The following SLC35D2 variants were observed in gnomAD, a reference collection of about 807,000 sequenced individuals.
The protein encoded by SLC35D2 is nucleotide sugar transporter SLC35D2.
SLC35D2 carries 43 observed loss-of-function variants against 41.8 expected under a neutral mutation model. The observed-to-expected ratio is 1.03, with a 90% CI of 0.81 to 1.33. SLC35D2 has a LOEUF of 1.33. Among genes scored for constraint, SLC35D2 ranks in the 40% most tolerant of loss-of-function variants. The pLI, the probability that SLC35D2 is intolerant of heterozygous loss-of-function variation, is 0.00. For missense variants in SLC35D2, 380 were observed against 408.4 expected (o/e 0.93, Z 0.60); for synonymous variants, 150 against 163.9 (o/e 0.92, Z 0.65).
chr9:96,364,588 C>CTT, intron 2 of SLC35D2, 38 bp from the exon 3 acceptor site: 1 of 1,189,270 alleles, frequency 8.4e-7, no homozygotes, highest in Non-Finnish European at 1.3e-6. Flanking sequence ...AGCAAAATAT[C>CTT]TGCAAAGATT....
rs73538939 is a variant in SLC35D2 at position 96,363,193 on chromosome 9, G to A, written c.279+1271C>T. Among the ~76,000 whole-genome samples the A allele has an allele frequency of 2.4e-3, 358 of 147,854 alleles. 1 individual carries two copies. Among genetic ancestry groups the A allele is most frequent in the African/African-American group, 8.3e-3 (329 of 39,652 alleles). On this transcript the variant is annotated intron_variant, in intron 3 of 11. Coordinates refer to ENST00000253270, the MANE Select transcript of SLC35D2 (RefSeq NM_007001.3). Reference sequence around the variant, plus strand: ...ATTTTTTTTTTTTTTTTGAGACAACGTCTTACTACGTTCTCCACACTGACC... The same window carrying A: ...ATTTTTTTTTTTTTTTTGAGACAACATCTTACTACGTTCTCCACACTGACC...
chr9:96,354,430 T>C lies in SLC35D2; in HGVS notation c.348-2321A>G, dbSNP rs150254359. ...AAACAGGCAGGAAACAAAACGAATATACAAAAGTCAACTCTGAATATACAC... is the reference window on the plus strand; with the variant it reads ...AAACAGGCAGGAAACAAAACGAATACACAAAAGTCAACTCTGAATATACAC... On this transcript the variant is annotated intron_variant, in intron 4 of 11. Transcript: ENST00000253270. Among the ~76,000 whole-genome samples, 46 of 152,196 alleles carry C rather than the reference T, an allele frequency of 3.0e-4. 1 individual carries two copies. In the East Asian group the frequency reaches 7.7e-3, roughly 26 times the overall value.
At chr9:96,321,795 A>C (rs538686446) in intron 11 of SLC35D2, among the ~76,000 whole-genome samples, 42 of 152,334 alleles carry the variant, frequency 2.8e-4, no homozygotes, top group African/African-American at 1.0e-3. Context: ...CCAGCCCCGC[A>C]AACTGCCATC....
At chr9:96,356,071 G>C (rs1339009760) in intron 4 of SLC35D2, among the ~76,000 whole-genome samples, 1 of 152,166 alleles carries the variant, frequency 6.6e-6, no homozygotes, top group Non-Finnish European at 1.5e-5. Context: ...ACTGGGGCAG[G>C]GGGAGTGAGT....
At chr9:96,330,451 T>C (rs1319354093) in intron 9 of SLC35D2, among the ~76,000 whole-genome samples, 2 of 152,316 alleles carry the variant, frequency 1.3e-5, no homozygotes. Context: ...CCTTAAACCA[T>C]ACTTAAGTTT....
intron 1 of SLC35D2, among the ~76,000 whole-genome samples, chr9:96,374,912 A>G (rs1830875674): frequency 1.3e-5 from 2 of 151,880 alleles, no homozygotes; most frequent in Admixed American, 1.3e-4. Context: ...TCCATCCAAA[A>G]AGATGTCTGA....
chr9:96,325,809 G>A (rs1344421328), intron 9 of SLC35D2, among the ~76,000 whole-genome samples: 1 of 152,180 alleles, frequency 6.6e-6, no homozygotes, highest in Non-Finnish European at 1.5e-5. Context: ...TTTAATTCTA[G>A]AATCCTGCTA....
intron 1 of SLC35D2, among the ~76,000 whole-genome samples, chr9:96,382,725 T>C (rs939607712): frequency 2.0e-5 from 3 of 152,170 alleles, no homozygotes; most frequent in Non-Finnish European, 4.4e-5. Flanking sequence ...GGCATATTCT[T>C]GTAACATAGT....
downstream of SLC35D2, among the ~76,000 whole-genome samples, chr9:96,316,741 C>CA (rs1278399685): frequency 2.7e-5 from 4 of 150,740 alleles, no homozygotes; most frequent in Admixed American, 2.7e-4. Flanking sequence ...CCTGAGGGCA[C>CA]AAAAAATATA....
At chr9:96,317,045 G>A (rs1828069037), downstream of SLC35D2, among the ~76,000 whole-genome samples, 1 of 151,954 alleles carries the variant, frequency 6.6e-6, no homozygotes, top group African/African-American at 2.4e-5. Flanking sequence ...GGCTGAGGCA[G>A]GAGAATGGTG....
rs565408287 is a variant in SLC35D2 at position 96,321,191 on chromosome 9, GC to G, written c.*50del. The G allele has an allele frequency of 1.0e-4, 141 of 1,360,298 alleles. No individual in the cohort carries two copies. The highest frequency in any genetic ancestry group is 1.2e-4 in the Non-Finnish European group (119 of 955,280). The allele number at this position is 1,360,298 out of a possible 1,614,324, so 84.3% of individuals were successfully genotyped here. ...CTGGCTTCACATTCCTACTGGGAAT[GC>G]CCCCCCAGCCCGCAGTCACAAGTCA... On this transcript the variant is annotated 3_prime_UTR_variant, in exon 12 of 12. Coordinates refer to ENST00000253270, the MANE Select transcript of SLC35D2 (RefSeq NM_007001.3).
At chr9:96,342,601 C>T (rs1829382130) in intron 8 of SLC35D2, among the ~76,000 whole-genome samples, 1 of 152,130 alleles carries the variant, frequency 6.6e-6, no homozygotes. Context: ...CAGGGAGGCT[C>T]AGGTTCACAA....
chr9:96,352,510 C>T (rs988819569), intron 4 of SLC35D2, among the ~76,000 whole-genome samples: 22 of 151,858 alleles, frequency 1.4e-4, no homozygotes, highest in African/African-American at 5.1e-4. Context: ...TCAGAAGAGA[C>T]AGAGTTTTGC....
At chr9:96,376,206 A>T (rs1319338476) in intron 1 of SLC35D2, among the ~76,000 whole-genome samples, 1 of 150,866 alleles carries the variant, frequency 6.6e-6, no homozygotes, top group East Asian at 2.0e-4. Flanking sequence ...GAGGCAGGAG[A>T]ATTGCTTGAA....
chr9:96,371,788 G>A (rs1226848756), intron 1 of SLC35D2, among the ~76,000 whole-genome samples: 73 of 137,092 alleles, frequency 5.3e-4, no homozygotes, highest in Admixed American at 1.5e-3. Context: ...GTGCAGTGGC[G>A]GGATCTCGGC....
intron 7 of SLC35D2, 139 bp from the exon 8 acceptor site, chr9:96,344,135 A>G: frequency 3.7e-6 from 2 of 536,328 alleles, no homozygotes; most frequent in South Asian, 5.4e-5. Flanking sequence ...TTTTCAGCAA[A>G]TTTCTGACAT....
At chr9:96,348,910 C>G (rs1829693726) in intron 6 of SLC35D2, among the ~76,000 whole-genome samples, 1 of 152,174 alleles carries the variant, frequency 6.6e-6, no homozygotes, top group African/African-American at 2.4e-5. Flanking sequence ...AAAGACTTAC[C>G]ACAGTTTTAT....
intron 4 of SLC35D2, among the ~76,000 whole-genome samples, chr9:96,353,294 T>G (rs898922323): frequency 6.6e-6 from 1 of 152,154 alleles, no homozygotes; most frequent in African/African-American, 2.4e-5. Context: ...CCATGTAGGA[T>G]CTACAACTGT....
chr9:96,321,467 C>T lies in SLC35D2; in HGVS notation c.915-126G>A, dbSNP rs1416324880. The T allele has an allele frequency of 7.6e-6, 5 of 661,776 alleles. No homozygotes were observed. The Admixed American group carries it at 1.3e-4, about 18-fold the overall frequency. 41.0% of individuals were successfully genotyped at this position (661,776 alleles called of 1,614,324 possible). A position where few individuals can be genotyped will look rare whatever the true frequency, so the allele number is the denominator to read the frequency against. ...GGGAATTATTCCAATATCTGTGTTTCTCCTCAAGTTTGTGGATTGCTTGAT... is the reference window on the plus strand; with the variant it reads ...GGGAATTATTCCAATATCTGTGTTTTTCCTCAAGTTTGTGGATTGCTTGAT... On this transcript the variant is annotated intron_variant, in intron 11 of 11. Coordinates refer to ENST00000253270, the MANE Select transcript of SLC35D2 (RefSeq NM_007001.3).
Sources: allele counts gnomAD v4.1 joint callset (sites outside exome capture counted in the v4.1 genomes callset), GRCh38; gene constraint gnomAD v4.1.1; transcripts MANE v1.5; gene names NCBI Gene and HGNC (gene_info 2026-07-23, HGNC 2026-07-21).